Variants in ARHGAP25 observed in about 807,000 individuals in gnomAD.
ARHGAP25 encodes rho GTPase-activating protein 25.
A neutral mutation model predicts 71.0 loss-of-function variants in ARHGAP25; 34 were observed. That is an observed-to-expected ratio of 0.48 (90% confidence interval 0.36 to 0.64). The LOEUF is 0.64. ARHGAP25 is among the 30% of genes least tolerant of loss of function. ARHGAP25 has a pLI of 0.00. For synonymous variants in ARHGAP25, 282 were observed against 296.5 expected (o/e 0.95, Z 0.50); for missense variants, 706 against 805.1 (o/e 0.88, Z 1.49).
At chr2:68,795,938 G>A (rs1679507461) in intron 4 of ARHGAP25, among the ~76,000 whole-genome samples, 1 of 152,152 alleles carries the variant, frequency 6.6e-6, no homozygotes, top group Non-Finnish European at 1.5e-5. Context: ...GAATCTGGAT[G>A]CTCCGTGTTG....
chr2:68,807,538 G>A (rs1680463225), intron 5 of ARHGAP25, 58 bp downstream of exon 5: 1 of 1,552,596 alleles, frequency 6.4e-7, no homozygotes, highest in Admixed American at 1.7e-5. Context: ...GGCTTGGCTG[G>A]GAGGGCCTCT....
chr2:68,805,417 C>T (rs1355237714), intron 4 of ARHGAP25, among the ~76,000 whole-genome samples: 1 of 152,052 alleles, frequency 6.6e-6, no homozygotes, highest in Admixed American at 6.5e-5. Flanking sequence ...GCCACCTATT[C>T]AGCTCCTTCT....
At chr2:68,735,607 C>T (rs886916192) in intron 1 of ARHGAP25, 1 of 317,888 alleles carries the variant, frequency 3.1e-6, no homozygotes, top group Admixed American at 4.7e-5. Context: ...TGGTTCTGAA[C>T]AGGAGCACAA....
At chr2:68,728,988 C>T (rs975175482) in intron 2 of ARHGAP25, among the ~76,000 whole-genome samples, 2 of 152,088 alleles carry the variant, frequency 1.3e-5, no homozygotes, top group Non-Finnish European at 2.9e-5. Flanking sequence ...GGAAAGAAGC[C>T]GGTCACAAAA....
chr2:68,752,021 A>G (rs1676207775), intron 1 of ARHGAP25, among the ~76,000 whole-genome samples: 1 of 152,232 alleles, frequency 6.6e-6, no homozygotes. Context: ...TAGCTTCAAA[A>G]TAACGCGACC....
intron 2 of ARHGAP25, among the ~76,000 whole-genome samples, chr2:68,781,515 A>C (rs927783352): frequency 6.6e-6 from 1 of 152,170 alleles, no homozygotes; most frequent in Non-Finnish European, 1.5e-5. Context: ...CACAAATCCT[A>C]CTAAACCCTC....
At chr2:68,788,497 G>T (rs1174740203) in intron 4 of ARHGAP25, among the ~76,000 whole-genome samples, 2 of 152,202 alleles carry the variant, frequency 1.3e-5, no homozygotes, top group East Asian at 1.9e-4. Context: ...AGTCTTGCAG[G>T]TGTACAGTGA....
At chr2:68,793,425 A>T (rs141089609) in intron 4 of ARHGAP25, among the ~76,000 whole-genome samples, 88 of 152,182 alleles carry the variant, frequency 5.8e-4, no homozygotes, top group African/African-American at 2.0e-3. Flanking sequence ...TCTTACATTT[A>T]AGTTTTTAAT....
At chr2:68,819,955 C>G (rs1399880979) in intron 9 of ARHGAP25, among the ~76,000 whole-genome samples, 3 of 152,066 alleles carry the variant, frequency 2.0e-5, no homozygotes, top group Non-Finnish European at 4.4e-5. Flanking sequence ...AACATGTGAA[C>G]TTTATATAGT....
rs188844807 is a variant in ARHGAP25 at position 68,816,023 on chromosome 2, C to G, written c.808-266C>G. On this transcript the variant is annotated intron_variant, in intron 6 of 10. Transcript: ENST00000409202. Reference sequence around the variant, plus strand: ...GTTAAACAGTCCTTCCTTAGAGTAGCTCAGGGTCAAGGGTGGGGTGCAGTG... The same window carrying G: ...GTTAAACAGTCCTTCCTTAGAGTAGGTCAGGGTCAAGGGTGGGGTGCAGTG... 9 of 476,330 alleles carry G rather than the reference C, an allele frequency of 1.9e-5. No individual in the cohort carries two copies. In the Admixed American group the frequency reaches 2.2e-4, roughly 12 times the overall value. The allele number at this position is 476,330 out of a possible 1,614,324, so 29.5% of individuals were successfully genotyped here.
chr2:68,755,695 G>A (rs566580770), intron 1 of ARHGAP25, among the ~76,000 whole-genome samples: 11 of 152,228 alleles, frequency 7.2e-5, no homozygotes, highest in East Asian at 1.9e-4. Context: ...CCGCTCTTGC[G>A]TCTGATTTTA....
At chr2:68,770,465 C>T (rs1235450715) in intron 1 of ARHGAP25, among the ~76,000 whole-genome samples, 1 of 152,204 alleles carries the variant, frequency 6.6e-6, no homozygotes, top group Non-Finnish European at 1.5e-5. Flanking sequence ...AAAGTGGAAT[C>T]TAGACTGAGT....
chr2:68,713,065 T>G (rs142213385), intron 2 of ARHGAP25, among the ~76,000 whole-genome samples: 1 of 152,186 alleles, frequency 6.6e-6, no homozygotes, highest in African/African-American at 2.4e-5. Flanking sequence ...GGTAGCTTGA[T>G]AGGGATGGCA....
chr2:68,814,187 GAAAAAT>G, intron 6 of ARHGAP25, among the ~76,000 whole-genome samples: 1 of 152,300 alleles, frequency 6.6e-6, no homozygotes, highest in Non-Finnish European at 1.5e-5. Flanking sequence ...ATGGTGCACA[GAAAAAT>G]CTATAATGAG....
At chr2:68,815,697 G>A (rs149120035) in intron 6 of ARHGAP25, among the ~76,000 whole-genome samples, 143 of 152,104 alleles carry the variant, frequency 9.4e-4, no homozygotes, top group African/African-American at 3.3e-3. Context: ...AAAAGAACAC[G>A]GAAAAGCTCG....
chr2:68,801,681 G>A (rs1036391520), intron 4 of ARHGAP25, among the ~76,000 whole-genome samples: 9 of 152,226 alleles, frequency 5.9e-5, no homozygotes, highest in African/African-American at 2.2e-4. Context: ...CAGATGCTGA[G>A]CCAGATGGAC....
At chr2:68,810,800 G>A (rs1680751953) in intron 5 of ARHGAP25, among the ~76,000 whole-genome samples, 1 of 148,062 alleles carries the variant, frequency 6.8e-6, no homozygotes, top group African/African-American at 2.5e-5. Context: ...AGAGTTCAGT[G>A]GTGTGATCTT....
At chr2:68,713,647 T>G (rs1043211828) in intron 2 of ARHGAP25, among the ~76,000 whole-genome samples, 1 of 152,318 alleles carries the variant, frequency 6.6e-6, no homozygotes, top group South Asian at 2.1e-4. Flanking sequence ...CATAAATAGC[T>G]CTTATTATTT....
intron 1 of ARHGAP25, among the ~76,000 whole-genome samples, chr2:68,763,258 C>G (rs1676932788): frequency 6.6e-6 from 1 of 152,172 alleles, no homozygotes; most frequent in African/African-American, 2.4e-5. Flanking sequence ...ATAAACTTCA[C>G]AGCTCTCAAT....
Sources: gnomAD v4.1 joint callset for allele counts (sites outside exome capture counted in the v4.1 genomes callset) on GRCh38, gnomAD v4.1.1 for gene constraint, MANE v1.5 for transcripts, NCBI Gene and HGNC (gene_info 2026-07-23, HGNC 2026-07-21) for gene names.